Variants in EPYC observed in about 807,000 individuals in gnomAD.
EPYC encodes the protein epiphycan.
EPYC carries 28 observed loss-of-function variants against 30.1 expected under a neutral mutation model. That is an observed-to-expected ratio of 0.93 (90% CI 0.69 to 1.28). The LOEUF is 1.28. EPYC is among the 50% of genes most tolerant of loss of function. EPYC has a pLI of 0.00. For synonymous variants in EPYC, 144 were observed against 141.4 expected (o/e 1.02, Z -0.13); for missense variants, 382 against 383.5 (o/e 1.00, Z 0.03).
chr12:90,984,849 G>A (rs1317818892), intron 2 of EPYC, among the ~76,000 whole-genome samples: 1 of 152,072 alleles, frequency 6.6e-6, no homozygotes, highest in Non-Finnish European at 1.5e-5. Context: ...GCTGTAGGGG[G>A]AGGGGAATTT....
At position 90,964,045 on chromosome 12, in the gene EPYC, A is replaced by C. The variant is rs929099625; in HGVS notation, c.*111T>G. 4.9e-6 allele frequency: 4 copies of C among 808,118 alleles called. No individual in the cohort carries two copies. The highest frequency in any genetic ancestry group is 7.7e-6 in the Non-Finnish European group (4 of 522,618). 50.1% of individuals were successfully genotyped at this position (808,118 alleles called of 1,614,324 possible). ...TTTTAATTGTATTTTATGTAGTCATATCATCTCTCAGAACACAATCTCAAA... is the reference window on the plus strand; with the variant it reads ...TTTTAATTGTATTTTATGTAGTCATCTCATCTCTCAGAACACAATCTCAAA... On this transcript the variant is annotated 3_prime_UTR_variant, in exon 7 of 7. Coordinates refer to ENST00000261172, the MANE Select transcript of EPYC (RefSeq NM_004950.5).
At chr12:90,988,355 A>G (rs1398693804) in intron 2 of EPYC, among the ~76,000 whole-genome samples, 1 of 152,134 alleles carries the variant, frequency 6.6e-6, no homozygotes, top group Non-Finnish European at 1.5e-5. Flanking sequence ...AAAGTAAGCT[A>G]AGGAGGTAAC....
intron 1 of EPYC, among the ~76,000 whole-genome samples, chr12:91,003,538 AT>A (rs1156491142): frequency 6.6e-6 from 1 of 151,900 alleles, no homozygotes; most frequent in African/African-American, 2.4e-5. Flanking sequence ...TAATTTAATT[AT>A]TTTTTTAGTT....
At chr12:90,969,939 A>G in intron 6 of EPYC, 105 bp downstream of exon 6, 3 of 753,070 alleles carry the variant, frequency 4.0e-6, no homozygotes, top group South Asian at 1.6e-5. Context: ...AAAAGTTATC[A>G]CAGTGTGTCA....
At chr12:90,998,420 T>C (rs981193986) in intron 2 of EPYC, among the ~76,000 whole-genome samples, 2 of 152,118 alleles carry the variant, frequency 1.3e-5, no homozygotes, top group Admixed American at 1.3e-4. Context: ...ATCATAGATA[T>C]TCTAGATCAT....
chr12:91,000,205 T>G (rs1920752), intron 2 of EPYC, among the ~76,000 whole-genome samples: 123,753 of 151,962 alleles, frequency 0.81, 50,687 homozygotes, highest in Non-Finnish European at 0.87. Context: ...ACTCACTGAG[T>G]ATTCTAAGTT....
At chr12:90,995,521 A>G (rs1344898353) in intron 2 of EPYC, among the ~76,000 whole-genome samples, 1 of 152,100 alleles carries the variant, frequency 6.6e-6, no homozygotes, top group East Asian at 1.9e-4. Context: ...AAAAGACTGG[A>G]TTAAATTTTA....
chr12:90,988,114 A>G (rs1464922436), intron 2 of EPYC, among the ~76,000 whole-genome samples: 1 of 152,156 alleles, frequency 6.6e-6, no homozygotes, highest in African/African-American at 2.4e-5. Flanking sequence ...CATTGTTCCT[A>G]TTATAACAGG....
At chr12:90,964,408 C>A in intron 6 of EPYC, 82 bp from the exon 7 acceptor site, 1 of 974,758 alleles carries the variant, frequency 1.0e-6, no homozygotes, top group Non-Finnish European at 1.5e-6. Flanking sequence ...GTGCTTCACC[C>A]TTGTTTTTAT....
chr12:90,992,630 G>A (rs568211286), intron 2 of EPYC, among the ~76,000 whole-genome samples: 36 of 152,290 alleles, frequency 2.4e-4, no homozygotes, highest in African/African-American at 7.9e-4. Context: ...AGGTAAGACT[G>A]GATGACTGAT....
At position 90,971,793 on chromosome 12, in the gene EPYC, A is replaced by T. The variant is rs368409503; in HGVS notation, c.702+7T>A. The T allele has an allele frequency of 1.4e-5, 21 of 1,555,538 alleles. No homozygotes were observed. The African/African-American group carries it at 2.6e-4, about 19-fold the overall frequency. ...ATAAAAGTCTGCATATCAAACTTAA[A>T]ACTTACTTTAAATGCTTCTTGCTTT... On this transcript the variant is annotated splice_region_variant and intron_variant, in intron 5 of 6. Transcript: ENST00000261172.
intron 5 of EPYC, among the ~76,000 whole-genome samples, chr12:90,970,967 G>A (rs1332836536): frequency 6.6e-6 from 1 of 152,224 alleles, no homozygotes; most frequent in African/African-American, 2.4e-5. Flanking sequence ...CAGACCCTAT[G>A]CTGTTTTTCA....
At chr12:90,969,235 T>C (rs1178833528) in intron 6 of EPYC, among the ~76,000 whole-genome samples, 1 of 151,960 alleles carries the variant, frequency 6.6e-6, no homozygotes, top group Non-Finnish European at 1.5e-5. Flanking sequence ...TAAACTATAA[T>C]GTTGTTTCTT....
chr12:90,966,526 T>C (rs888398564), intron 6 of EPYC, among the ~76,000 whole-genome samples: 1 of 152,122 alleles, frequency 6.6e-6, no homozygotes, highest in Non-Finnish European at 1.5e-5. Flanking sequence ...TGTTGGTGAA[T>C]TCCGTTTGTT....
chr12:90,969,029 T>C (rs1429626382), intron 6 of EPYC, among the ~76,000 whole-genome samples: 1 of 150,960 alleles, frequency 6.6e-6, no homozygotes, highest in African/African-American at 2.4e-5. Context: ...TGTGTGTATA[T>C]ACATATATGT....
intron 2 of EPYC, among the ~76,000 whole-genome samples, chr12:90,985,058 G>T (rs1000018505): frequency 2.6e-5 from 4 of 152,254 alleles, no homozygotes; most frequent in African/African-American, 7.2e-5. Flanking sequence ...TGTGGCTTTA[G>T]CTGCAGCCTG....
At chr12:90,979,599 C>G (rs55767026) in intron 2 of EPYC, among the ~76,000 whole-genome samples, 3 of 152,192 alleles carry the variant, frequency 2.0e-5, no homozygotes, top group Non-Finnish European at 4.4e-5. Context: ...ACTAAACTTT[C>G]TTTTATCAGT....
rs116446912 is a variant in EPYC, at chr12:90,964,273, C to G, written c.852G>C (p.Leu284Phe). The change falls in exon 7 of 7, where the codon TTG becomes TTC. Residue 284 changes from leucine (L) to phenylalanine (F), a missense_variant. Physicochemically the swap from Leu to Phe is conservative, Grantham distance 22. Transcript: ENST00000261172. ...CCTCTAGTGCCTTACGAATATAAGT[C>G]AAATTTTTAACATTGCAGAACGTAT... is the stretch of plus-strand genomic sequence containing the variant. ...HEDTFCNVKN[L>F]TYIRKALEDI... 109 of 1,612,754 alleles carry G rather than the reference C, an allele frequency of 6.8e-5. No individual in the cohort carries two copies. The African/African-American group carries it at 1.3e-3, about 19-fold the overall frequency.
At chr12:91,000,534 C>A (rs991347973) in intron 2 of EPYC, among the ~76,000 whole-genome samples, 6 of 151,964 alleles carry the variant, frequency 3.9e-5, no homozygotes, top group African/African-American at 1.2e-4. Context: ...AAGAGCTCTG[C>A]AGATATAGTC....
Sources: allele counts gnomAD v4.1 joint callset (sites outside exome capture counted in the v4.1 genomes callset), GRCh38; gene constraint gnomAD v4.1.1; transcripts MANE v1.5; gene names NCBI Gene and HGNC (gene_info 2026-07-23, HGNC 2026-07-21).